Variants in FAM228B observed in about 807,000 individuals in gnomAD.
FAM228B encodes the protein family with sequence similarity 228 member B.
FAM228B carries 38 observed loss-of-function variants against 42.6 expected under a neutral mutation model. That is an observed-to-expected ratio of 0.89 (90% CI 0.69 to 1.17). The LOEUF (loss-of-function observed/expected upper bound fraction) is 1.17. FAM228B is among the 50% of genes most tolerant of loss of function. The pLI is 0.00. For missense variants in FAM228B, 344 were observed against 367.3 expected (o/e 0.94, Z 0.52); for synonymous variants, 109 against 122.3 (o/e 0.89, Z 0.72).
At position 24,144,852 on chromosome 2, in the gene FAM228B, C is replaced by A. The variant is rs970524744; in HGVS notation, c.442-1896C>A. Among the ~76,000 whole-genome samples the A allele has an allele frequency of 3.3e-5, 5 of 152,304 alleles. No homozygotes were observed. The East Asian group carries it at 9.7e-4, about 29-fold the overall frequency. ...TCCACAGCACAGCCACCAGCACCCC[C>A]ACCCGAGTACTCTGCAGGGGGCTAG... On this transcript the variant is annotated intron_variant, in intron 5 of 10. Transcript: ENST00000615575.
chr2:24,118,636 C>G (rs1453592356), upstream of FAM228B, among the ~76,000 whole-genome samples: 1 of 152,140 alleles, frequency 6.6e-6, no homozygotes, highest in African/African-American at 2.4e-5. Flanking sequence ...TGAGATCTGA[C>G]TTGGTTCTTT....
intron 2 of FAM228B, among the ~76,000 whole-genome samples, chr2:24,089,303 T>C (rs928911981): frequency 4.6e-5 from 7 of 151,972 alleles, no homozygotes; most frequent in Admixed American, 3.9e-4. Context: ...AAACAAGAAA[T>C]AGCCAAGGTC....
intron 7 of FAM228B, among the ~76,000 whole-genome samples, chr2:24,154,531 C>CT (rs1667090418): frequency 6.6e-6 from 1 of 152,192 alleles, no homozygotes; most frequent in Admixed American, 6.5e-5. Flanking sequence ...TTTTCATTCT[C>CT]TTAACAGTGT....
At position 24,090,974 on chromosome 2, in the gene FAM228B, G is replaced by A. The variant is rs148772114; in HGVS notation, c.-209-4167G>A. On this transcript the variant is annotated intron_variant, in intron 2 of 10. Transcript: ENST00000613899. ...GATAGTTTTTGTTTGTTTGTTTATC[G>A]TTTGTTTTGTAGATACGAGGTTATG... Among the ~76,000 whole-genome samples the A allele has an allele frequency of 1.2e-4, 19 of 152,146 alleles. 1 individual carries two copies. In the East Asian group the frequency reaches 3.3e-3, roughly 26 times the overall value.
At chr2:24,082,690 T>C (rs1355001531) in intron 2 of FAM228B, among the ~76,000 whole-genome samples, 1 of 152,166 alleles carries the variant, frequency 6.6e-6, no homozygotes, top group Non-Finnish European at 1.5e-5. Context: ...CTATCTAGTG[T>C]TATCCAGACC....
chr2:24,167,716 C>T, intron 10 of FAM228B, 33 bp downstream of exon 10: 1 of 1,550,330 alleles, frequency 6.5e-7, no homozygotes, highest in Non-Finnish European at 8.7e-7. Flanking sequence ...TTCTTACTCT[C>T]CTATTCCTTA....
At chr2:24,093,229 A>G (rs1665427317) in intron 2 of FAM228B, among the ~76,000 whole-genome samples, 1 of 151,970 alleles carries the variant, frequency 6.6e-6, no homozygotes, top group Non-Finnish European at 1.5e-5. Flanking sequence ...GGTTTACTAC[A>G]CCTATCAGCC....
At chr2:24,094,018 A>C (rs1665447335) in intron 2 of FAM228B, among the ~76,000 whole-genome samples, 1 of 146,650 alleles carries the variant, frequency 6.8e-6, no homozygotes, top group South Asian at 2.2e-4. Flanking sequence ...TCCCTGAGGA[A>C]TCGCCACATA....
intron 7 of FAM228B, among the ~76,000 whole-genome samples, chr2:24,152,439 C>T (rs1388047430): frequency 6.6e-6 from 1 of 152,180 alleles, no homozygotes; most frequent in Non-Finnish European, 1.5e-5. Flanking sequence ...GTAGTCTTTA[C>T]ATTCTGGGTT....
intron 2 of FAM228B, among the ~76,000 whole-genome samples, chr2:24,092,527 A>T (rs1665413272): frequency 6.6e-6 from 1 of 150,406 alleles, no homozygotes; most frequent in Non-Finnish European, 1.5e-5. Flanking sequence ...GTGAGCCGAG[A>T]TCGCGCCCTG....
Position 24,086,127 on chromosome 2 carries a change from C to T in FAM228B, c.-210+5172C>T, listed in dbSNP as rs1043868397. 3.3e-5 allele frequency among the ~76,000 whole-genome samples: 5 copies of T among 149,646 alleles called. No homozygotes were observed. In the East Asian group the frequency reaches 7.9e-4, roughly 24 times the overall value. On this transcript the variant is annotated intron_variant, in intron 2 of 10. Coordinates refer to the FAM228B transcript ENST00000613899. ...GCGGGCGCCTGTAGTCCCAGCTATT[C>T]GGGAGGCTGAGGCAGGAGAATGGCG...
upstream of FAM228B, chr2:24,122,553 A>G (rs1228704893): frequency 1.4e-5 from 22 of 1,566,446 alleles, no homozygotes; most frequent in Non-Finnish European, 1.8e-5. Flanking sequence ...CAACTCTGAA[A>G]GGGAAAGTGC....
chr2:24,079,415 C>T lies in FAM228B; in HGVS notation c.-289-1461C>T, dbSNP rs369205576. 26 of 1,609,188 alleles carry T rather than the reference C, an allele frequency of 1.6e-5. No individual in the cohort carries two copies. In the African/African-American group the frequency reaches 2.5e-4, roughly 16 times the overall value. ...TGAACCACACTTTTCTGGGTTAAAT[C>T]ACATGTTTTCTTTTCATTCATCACT... is the stretch of plus-strand genomic sequence containing the variant. On this transcript the variant is annotated intron_variant, in intron 1 of 10. Transcript: ENST00000613899.
chr2:24,101,687 T>A (rs755503123), intron 3 of FAM228B, among the ~76,000 whole-genome samples: 2 of 152,058 alleles, frequency 1.3e-5, no homozygotes, highest in Non-Finnish European at 2.9e-5. Context: ...ATTTTATTTT[T>A]TTATTATTTT....
intron 1 of FAM228B, among the ~76,000 whole-genome samples, chr2:24,123,755 G>A (rs1199902934): frequency 6.6e-6 from 1 of 151,410 alleles, no homozygotes; most frequent in Non-Finnish European, 1.5e-5. Flanking sequence ...CCCCCGGCCC[G>A]GGGCTGGCGT....
chr2:24,109,409 C>G (rs1204604639), intron 3 of FAM228B, among the ~76,000 whole-genome samples: 1 of 152,064 alleles, frequency 6.6e-6, no homozygotes, highest in Admixed American at 6.6e-5. Flanking sequence ...AATGAAGACA[C>G]CAAAAGCAAT....
At chr2:24,150,744 G>A (rs945245350) in intron 7 of FAM228B, among the ~76,000 whole-genome samples, 3 of 152,146 alleles carry the variant, frequency 2.0e-5, no homozygotes, top group African/African-American at 7.2e-5. Context: ...CTTTAAATAT[G>A]TCATGCCACT....
intron 2 of FAM228B, among the ~76,000 whole-genome samples, chr2:24,129,005 C>A (rs1666382314): frequency 6.6e-6 from 1 of 151,848 alleles, no homozygotes; most frequent in South Asian, 2.1e-4. Flanking sequence ...TTCCCTAATT[C>A]TTGCAGGTGT....
At chr2:24,081,031 C>T (rs752978965) in intron 2 of FAM228B, 27 of 1,611,244 alleles carry the variant, frequency 1.7e-5, no homozygotes, top group Non-Finnish European at 2.3e-5. Flanking sequence ...CTGAACATTT[C>T]CTGTGACAGA....
Sources: allele counts gnomAD v4.1 joint callset (sites outside exome capture counted in the v4.1 genomes callset), GRCh38; gene constraint gnomAD v4.1.1; transcripts MANE v1.5; gene names NCBI Gene and HGNC (gene_info 2026-07-23, HGNC 2026-07-21).